ATRX: variants seen among roughly 807,000 people sequenced by gnomAD.
The protein encoded by ATRX is ATRX chromatin remodeler, also known as chromatin remodeler ATRX.
Under a neutral mutation model 172.6 loss-of-function variants are expected in ATRX, and 12 were observed. That is an observed-to-expected ratio of 0.07 (90% confidence interval 0.04 to 0.11). The LOEUF is 0.11. Among genes scored for constraint, ATRX ranks in the 10% least tolerant of loss-of-function variants. ATRX has a pLI of 1.00. For synonymous variants in ATRX, 674 were observed against 594.7 expected (o/e 1.13, Z -1.94); for missense variants, 1,368 against 1,767.4 (o/e 0.77, Z 4.05).
chrX:77,648,806 T>C (rs1187964995), intron 15 of ATRX, among the ~76,000 whole-genome samples: 1 of 111,084 alleles, frequency 9.0e-6, no homozygotes, highest in African/African-American at 3.3e-5. Flanking sequence ...GAAAAATTCC[T>C]TAAGTTTGAA....
chrX:77,533,975 G>A (rs1055438763), intron 30 of ATRX, among the ~76,000 whole-genome samples: 5 of 111,502 alleles, frequency 4.5e-5, no homozygotes, highest in Non-Finnish European at 9.4e-5. Context: ...CATTAAGACT[G>A]CTTCCAGTTT....
In ATRX at chrX:77,670,889, T is replaced by C. The variant is rs2070531696; in HGVS notation, c.3809+5337A>G. Among the ~76,000 whole-genome samples the C allele has an allele frequency of 2.8e-5, 3 of 107,842 alleles. No homozygotes were observed. In the South Asian group the frequency reaches 1.2e-3, roughly 44 times the overall value. 93.6% of individuals were successfully genotyped at this position (107,842 alleles called of 115,157 possible). On this transcript the variant is annotated intron_variant, in intron 10 of 34. Coordinates refer to ENST00000373344, the MANE Select transcript of ATRX (RefSeq NM_000489.6). ...CTGGCCAGGCACGGTGGCTCATGCC[T>C]GTAATCCCAGCACTTTGGGAGGCTG...
chrX:77,773,453 T>C (rs1229915181), intron 1 of ATRX, among the ~76,000 whole-genome samples: 1 of 111,703 alleles, frequency 9.0e-6, no homozygotes, highest in Non-Finnish European at 1.9e-5. Flanking sequence ...TTAATAATTT[T>C]AGCATGAGAA....
chrX:77,758,281 T>C (rs1293494531), intron 1 of ATRX, among the ~76,000 whole-genome samples: 1 of 106,647 alleles, frequency 9.4e-6, no homozygotes, highest in South Asian at 4.2e-4. Flanking sequence ...TCCCAGCTAC[T>C]CTGGAAGCTG....
intron 10 of ATRX, among the ~76,000 whole-genome samples, chrX:77,671,191 T>TATATAC (rs2070590473): frequency 1.2e-5 from 1 of 85,179 alleles, no homozygotes; most frequent in Non-Finnish European, 2.3e-5. Flanking sequence ...TATATATATA[T>TATATAC]ATATAAAACT....
intron 1 of ATRX, among the ~76,000 whole-genome samples, chrX:77,745,243 C>T (rs2075022956): frequency 9.5e-6 from 1 of 105,373 alleles, no homozygotes; most frequent in Admixed American, 1.0e-4. Flanking sequence ...TAAATATGTA[C>T]CCCAAAGAAA....
intron 34 of ATRX, among the ~76,000 whole-genome samples, chrX:77,514,366 G>A (rs1557038181): frequency 8.9e-6 from 1 of 112,049 alleles, no homozygotes; most frequent in Non-Finnish European, 1.9e-5. Flanking sequence ...CTATACTACA[G>A]AGCTACAGTA....
rs533271695 is a variant in ATRX, at chrX:77,683,155, G to A, written c.2101C>T (p.Arg701Cys). 5.0e-6 allele frequency: 6 copies of A among 1,208,098 alleles called. No individual in the cohort carries two copies. The highest frequency in any genetic ancestry group is 5.9e-5 in the East Asian group (2 of 33,749). ...LSVPVRKKDKRNSSDSAIDNP... is the reference protein window; with the variant it reads ...LSVPVRKKDKCNSSDSAIDNP... ...TCTATAGCACTGTCAGAAGAATTAC[G>A]CTTATCCTTTTTTCTCACTGGAACT... Residue 701 changes from arginine to cysteine, a missense_variant, in exon 9 of 35, where the codon CGT becomes TGT. Coordinates refer to ENST00000373344, the MANE Select transcript of ATRX (RefSeq NM_000489.6).
chrX:77,592,994 C>T (rs782799949), intron 26 of ATRX, among the ~76,000 whole-genome samples: 9 of 109,251 alleles, frequency 8.2e-5, no homozygotes, highest in Non-Finnish European at 1.3e-4. Flanking sequence ...GAGGCTGAGG[C>T]GCACAAATTG....
intron 1 of ATRX, among the ~76,000 whole-genome samples, chrX:77,725,741 T>A (rs1161923438): frequency 9.0e-6 from 1 of 111,541 alleles, no homozygotes; most frequent in Non-Finnish European, 1.9e-5. Context: ...AGGGCTAATA[T>A]CCAGAATCTA....
At chrX:77,723,223 G>A (rs1242970443) in intron 1 of ATRX, among the ~76,000 whole-genome samples, 2 of 111,251 alleles carry the variant, frequency 1.8e-5, no homozygotes, top group Non-Finnish European at 3.8e-5. Flanking sequence ...GGAGAAATAC[G>A]TAATGTAGAT....
intron 1 of ATRX, among the ~76,000 whole-genome samples, chrX:77,722,880 A>G (rs1294098334): frequency 8.9e-6 from 1 of 111,952 alleles, no homozygotes; most frequent in Non-Finnish European, 1.9e-5. Context: ...TACTATAAAG[A>G]CACATGCACA....
At chrX:77,725,094 T>C (rs2073969245) in intron 1 of ATRX, among the ~76,000 whole-genome samples, 1 of 112,116 alleles carries the variant, frequency 8.9e-6, no homozygotes, top group African/African-American at 3.2e-5. Context: ...CACTATGTTA[T>C]ACCTCACCAT....
rs782507499 is a variant in ATRX, at chrX:77,621,929, C to T, written c.5135-1397G>A. Among the ~76,000 whole-genome samples the T allele has an allele frequency of 2.7e-5, 3 of 111,330 alleles. No homozygotes were observed. The South Asian group carries it at 1.1e-3, about 42-fold the overall frequency. On this transcript the variant is annotated intron_variant, in intron 19 of 34. Transcript: ENST00000373344. ...GCTTTGTATTTAAAAATTATGCATC[C>T]CTTACTTTGAATCTGAAAACATTTT... is the stretch of plus-strand genomic sequence containing the variant.
At chrX:77,550,853 C>T (rs1485668375) in intron 30 of ATRX, among the ~76,000 whole-genome samples, 1 of 111,530 alleles carries the variant, frequency 9.0e-6, no homozygotes, top group Non-Finnish European at 1.9e-5. Context: ...CATGAGTGAA[C>T]TCCCATTCTC....
chrX:77,529,621 C>T lies in ATRX; in HGVS notation c.6700-6220G>A, dbSNP rs192342692. 4.7e-3 allele frequency among the ~76,000 whole-genome samples: 527 copies of T among 111,617 alleles called. 3 individuals are homozygous for T. The highest frequency in any genetic ancestry group is 7.4e-3 in the Non-Finnish European group (395 of 53,137). On this transcript the variant is annotated intron_variant, in intron 30 of 34. Coordinates refer to ENST00000373344, the MANE Select transcript of ATRX (RefSeq NM_000489.6). Reference sequence around the variant, plus strand: ...ACAAGCAAATGCTGAGGGCATTCATCACTAGCAGGCCTGCCTTGCAAGAGG... The same window carrying T: ...ACAAGCAAATGCTGAGGGCATTCATTACTAGCAGGCCTGCCTTGCAAGAGG...
rs184222900 is a variant in ATRX, at chrX:77,742,436, A to C, written c.21-25193T>G. Among the ~76,000 whole-genome samples the C allele has an allele frequency of 5.4e-5, 6 of 112,134 alleles. No homozygotes were observed. The East Asian group carries it at 1.7e-3, about 31-fold the overall frequency. On this transcript the variant is annotated intron_variant, in intron 1 of 34. Transcript: ENST00000373344. ...AGGAGAAGCAGGATTGGGCAGAAAGAAAACTGCCTTTCCCACATACAGGGG... is the reference window on the plus strand; with the variant it reads ...AGGAGAAGCAGGATTGGGCAGAAAGCAAACTGCCTTTCCCACATACAGGGG...
intron 1 of ATRX, among the ~76,000 whole-genome samples, chrX:77,720,117 T>C (rs1278893489): frequency 8.9e-6 from 1 of 112,058 alleles, no homozygotes; most frequent in Non-Finnish European, 1.9e-5. Context: ...AATAAAGAAG[T>C]TCTTTGAAAC....
intron 2 of ATRX, among the ~76,000 whole-genome samples, chrX:77,701,705 C>T (rs781944315): frequency 6.3e-4 from 70 of 110,564 alleles, no homozygotes; most frequent in Non-Finnish European, 1.2e-3. Flanking sequence ...ACGGATTCTA[C>T]TCAGAGCATG....
Sources: allele counts gnomAD v4.1 joint callset (sites outside exome capture counted in the v4.1 genomes callset), GRCh38; gene constraint gnomAD v4.1.1; transcripts MANE v1.5; gene names NCBI Gene and HGNC (gene_info 2026-07-23, HGNC 2026-07-21).